Variants in SMARCA4 observed in about 807,000 individuals in gnomAD.
SMARCA4 encodes SWI/SNF related BAF chromatin remodeling complex subunit ATPase 4.
In SMARCA4, 31 loss-of-function variants were observed where a neutral mutation model predicts 193.9. The observed-to-expected ratio is 0.16, with a 90% CI of 0.12 to 0.22. The LOEUF (loss-of-function observed/expected upper bound fraction) is 0.22. Among genes scored for constraint, SMARCA4 ranks in the 10% least tolerant of loss-of-function variants. The pLI is 1.00. For synonymous variants in SMARCA4, 942 were observed against 933.1 expected, an observed-to-expected ratio of 1.01 and a Z score of -0.17; for missense variants, 1,148 against 2,296.0, an observed-to-expected ratio of 0.50 and a Z score of 10.22.
intron 1 of SMARCA4, among the ~76,000 whole-genome samples, chr19:10,966,548 A>G (rs1405915359): frequency 1.3e-5 from 2 of 151,950 alleles, no homozygotes; most frequent in East Asian, 3.9e-4. Flanking sequence ...TGATCGCACC[A>G]CTGCACTCCA....
rs1314009255 is a variant in SMARCA4, at chr19:10,986,528, C to T, written c.695C>T (p.Pro232Leu). The T allele has an allele frequency of 6.5e-7, 1 of 1,541,384 alleles. No individual in the cohort carries two copies. Among genetic ancestry groups the T allele is most frequent in the Admixed American group, 2.0e-5 (1 of 50,920 alleles). ...PPSVSATGPGPGPGPGPGPGP... is the reference protein window; with the variant it reads ...PPSVSATGPGLGPGPGPGPGP... ...TCGGTGTCCGCAACAGGACCCGGCC[C>T]TGGCCCTGGCCCTGGCCCCGGCCCG... Residue 232 changes from proline to leucine, a missense_variant, in exon 4 of 35, where the codon CCT becomes CTT. Transcript: ENST00000344626. This position sits in a 1 kb window ranked among gnomAD's most constrained non-coding sequence, Gnocchi z 6.7.
intron 16 of SMARCA4, among the ~76,000 whole-genome samples, chr19:11,014,299 A>G (rs142924282): frequency 1.9e-3 from 297 of 152,322 alleles, no homozygotes; most frequent in Non-Finnish European, 2.9e-3. Context: ...CCCATAGGGT[A>G]GGCCTGACGT....
rs1222579056 is a variant in SMARCA4 at position 11,034,466 on chromosome 19, C to G, written c.3951+266C>G. On this transcript the variant is annotated intron_variant, in intron 28 of 34. Transcript: ENST00000344626. This position sits in a 1 kb window ranked among gnomAD's most constrained non-coding sequence, Gnocchi z 7.0. ...CCAGCTCTGTTTTCTAACGGGCTCTCCAGGGCTTCATGCACTCCCTTTCAG... is the reference window on the plus strand; with the variant it reads ...CCAGCTCTGTTTTCTAACGGGCTCTGCAGGGCTTCATGCACTCCCTTTCAG... 6.6e-6 allele frequency among the ~76,000 whole-genome samples: 1 copy of G among 152,194 alleles called. No individual in the cohort carries two copies. The highest frequency in any genetic ancestry group is 1.5e-5 in the Non-Finnish European group (1 of 68,028).
Position 11,034,254 on chromosome 19 carries a change from A to G in SMARCA4, c.3951+54A>G. ...TCAGGCATCCCACTCTGCTGCCACC[A>G]GGAGCAAAGCAGACGTCCTAGTGCC... On this transcript the variant is annotated intron_variant, in intron 28 of 34. Coordinates refer to ENST00000344626, the MANE Select transcript of SMARCA4 (RefSeq NM_003072.5). The surrounding 1 kb of genome is among the most constrained non-coding windows in gnomAD (Gnocchi z 7.0). 7.1e-7 allele frequency: 1 copy of G among 1,408,180 alleles called. No homozygotes were observed. The highest frequency in any genetic ancestry group is 1.0e-6 in the Non-Finnish European group (1 of 992,776). The allele number at this position is 1,408,180 out of a possible 1,614,324, so 87.2% of individuals were successfully genotyped here. A position where few individuals can be genotyped will look rare whatever the true frequency, so the allele number is the denominator to read the frequency against.
chr19:11,037,250 GGC>G (rs1287980903), intron 29 of SMARCA4, among the ~76,000 whole-genome samples: 1 of 152,210 alleles, frequency 6.6e-6, no homozygotes, highest in Non-Finnish European at 1.5e-5. Flanking sequence ...TTTCCTTGGT[GGC>G]TACGCCAGTT....
chr19:11,022,117 A>G, intron 19 of SMARCA4, 150 bp downstream of exon 19: 1 of 1,251,324 alleles, frequency 8.0e-7, no homozygotes, highest in South Asian at 1.2e-5. Flanking sequence ...GAGCCCTGGA[A>G]CCCAAGGCTG....
chr19:11,003,815 A>C lies in SMARCA4; in HGVS notation c.2001+418A>C, dbSNP rs566039642. On this transcript the variant is annotated intron_variant, in intron 13 of 34. Coordinates refer to ENST00000344626, the MANE Select transcript of SMARCA4 (RefSeq NM_003072.5). ...CAACCTCCACCTCCCGGGTTCAAGC[A>C]ATTCTCCTGCCTCAGCCTCCCAAGT... is the stretch of plus-strand genomic sequence containing the variant. Among the ~76,000 whole-genome samples, 407 of 144,236 alleles carry C rather than the reference A, an allele frequency of 2.8e-3. 2 individuals are homozygous for C. The highest frequency in any genetic ancestry group is 0.01 in the African/African-American group (399 of 38,690). The allele number at this position is 144,236 out of a possible 152,430, so 94.6% of individuals were successfully genotyped here.
At position 10,982,175 on chromosome 19, in the gene SMARCA4, A is replaced by C. The variant is rs192176928; in HGVS notation, c.-31-1946A>C. On this transcript the variant is annotated intron_variant, in intron 1 of 34. Coordinates refer to ENST00000344626, the MANE Select transcript of SMARCA4 (RefSeq NM_003072.5). ...GCCAATGTGGTGAAACCCCGTCTCT[A>C]CTAAAAATAAAAAAATTGGCCTGGC... 9.9e-5 allele frequency among the ~76,000 whole-genome samples: 15 copies of C among 151,686 alleles called. No individual in the cohort carries two copies. The East Asian group carries it at 2.9e-3, about 30-fold the overall frequency.
At chr19:11,026,568 C>T (rs1200983017) in intron 23 of SMARCA4, among the ~76,000 whole-genome samples, 5 of 146,924 alleles carry the variant, frequency 3.4e-5, no homozygotes, top group Non-Finnish European at 5.9e-5. Context: ...GACACAATCT[C>T]GGCTCACTGC....
chr19:10,963,736 A>G (rs1441139263), intron 1 of SMARCA4, among the ~76,000 whole-genome samples: 3 of 151,218 alleles, frequency 2.0e-5, no homozygotes, highest in Admixed American at 6.6e-5. Context: ...CCGCTAACAC[A>G]CTGCTGCACC....
At chr19:11,029,173 T>C (rs1294012787) in intron 24 of SMARCA4, among the ~76,000 whole-genome samples, 1 of 152,150 alleles carries the variant, frequency 6.6e-6, no homozygotes, top group Non-Finnish European at 1.5e-5. Flanking sequence ...CCAAAATCCT[T>C]CAGGGTCCTC....
Position 10,999,833 on chromosome 19 carries a change from A to G in SMARCA4, c.1813-3196A>G, listed in dbSNP as rs189514416. Among the ~76,000 whole-genome samples the G allele has an allele frequency of 3.0e-3, 460 of 152,348 alleles. 2 individuals are homozygous for G. The highest frequency in any genetic ancestry group is 4.1e-3 in the Non-Finnish European group (282 of 68,032). On this transcript the variant is annotated intron_variant, in intron 11 of 34. Transcript: ENST00000344626. ...TTAGAATACACAGAAAGTACGTTCC[A>G]AAGTGCTAATGGACACCTCTATGCA...
At chr19:10,997,776 G>T (rs370010597) in intron 11 of SMARCA4, among the ~76,000 whole-genome samples, 140 of 152,244 alleles carry the variant, frequency 9.2e-4, no homozygotes, top group African/African-American at 3.3e-3. Flanking sequence ...CTTCACCTGT[G>T]TTTTTTCCTA....
chr19:11,003,452 C>T, intron 13 of SMARCA4, 55 bp downstream of exon 13: 2 of 1,482,668 alleles, frequency 1.3e-6, no homozygotes, highest in South Asian at 1.1e-5. Flanking sequence ...GCAGTGACTT[C>T]CACCCTGTGT....
Position 11,034,893 on chromosome 19 carries a change from C to T in SMARCA4, c.3952-21C>T, listed in dbSNP as rs751686365. ...GGTGCCTGCATGCTGATGCCTCTCC[C>T]GTTGCCTCCCTGCCCACCAGCGCAT... is the stretch of plus-strand genomic sequence containing the variant. On this transcript the variant is annotated intron_variant, in intron 28 of 34. Transcript: ENST00000344626. The surrounding 1 kb of genome is among the most constrained non-coding windows in gnomAD (Gnocchi z 7.0). 1.6e-5 allele frequency: 24 copies of T among 1,528,144 alleles called. No homozygotes were observed. Among genetic ancestry groups the T allele is most frequent in the African/African-American group, 2.7e-5 (2 of 72,814 alleles). 94.7% of individuals were successfully genotyped at this position (1,528,144 alleles called of 1,614,324 possible). A position where few individuals can be genotyped will look rare whatever the true frequency, so the allele number is the denominator to read the frequency against.
chr19:11,041,048 G>C lies in SMARCA4; in HGVS notation c.4171-259G>C, dbSNP rs2075575481. The C allele has an allele frequency of 2.0e-6, 1 of 505,948 alleles. No individual in the cohort carries two copies. Among genetic ancestry groups the C allele is most frequent in the Non-Finnish European group, 3.5e-6 (1 of 285,912 alleles). The allele number at this position is 505,948 out of a possible 1,614,324, so 31.3% of individuals were successfully genotyped here. A position where few individuals can be genotyped will look rare whatever the true frequency, so the allele number is the denominator to read the frequency against. The stretch of plus-strand genomic sequence containing the variant: ...ACAGAGAAGATAGTTCTTTTTTTTT[G>C]GTCAAGAAATTCAACCATTAGTTTT... On this transcript the variant is annotated intron_variant, in intron 29 of 34. Transcript: ENST00000344626. The surrounding 1 kb of genome is among the most constrained non-coding windows in gnomAD (Gnocchi z 5.6).
rs773006531 is a variant in SMARCA4 at position 11,039,559 on chromosome 19, G to A, written c.4171-1748G>A. ...TCTGCACACGTGCGTCAAAGGTGGG[G>A]AGAGTTCTGGTGGTGGGTGGCGCTG... On this transcript the variant is annotated intron_variant, in intron 29 of 34. Transcript: ENST00000344626. The A allele has an allele frequency of 7.0e-6, 11 of 1,582,274 alleles. No homozygotes were observed. In the Admixed American group the frequency reaches 1.8e-4, roughly 26 times the overall value.
chr19:10,995,154 A>G (rs2086908631), intron 9 of SMARCA4, 153 bp downstream of exon 9: 1 of 735,222 alleles, frequency 1.4e-6, no homozygotes, highest in Non-Finnish European at 2.4e-6. Flanking sequence ...CTTGGGAGTC[A>G]GTCCTGGGCT....
At chr19:11,051,756 T>G (rs2076276566) in intron 30 of SMARCA4, among the ~76,000 whole-genome samples, 1 of 151,668 alleles carries the variant, frequency 6.6e-6, no homozygotes, top group Non-Finnish European at 1.5e-5. Context: ...CCCAAAGTGC[T>G]GGGATTACAG....
Sources: gnomAD v4.1 joint callset for allele counts (sites outside exome capture counted in the v4.1 genomes callset) on GRCh38, gnomAD v4.1.1 for gene constraint, Gnocchi (gnomAD v3.1) non-coding constraint, MANE v1.5 for transcripts, NCBI Gene and HGNC (gene_info 2026-07-23, HGNC 2026-07-21) for gene names.